TMEM171: variants seen among roughly 807,000 people sequenced by gnomAD.
TMEM171 encodes the protein proline-rich protein PRP2.
TMEM171 carries 16 observed loss-of-function variants against 19.1 expected under a neutral mutation model. That is an observed-to-expected ratio of 0.84 (90% CI 0.57 to 1.27). The LOEUF (loss-of-function observed/expected upper bound fraction) is 1.27. TMEM171 is among the 50% of genes most tolerant of loss of function. The probability of loss-of-function intolerance (pLI) is 0.00; values close to 1 mark genes in which losing one functional copy is unlikely to be tolerated. For synonymous variants in TMEM171, 153 were observed against 163.4 expected (o/e 0.94, Z 0.48); for missense variants, 429 against 412.7 (o/e 1.04, Z -0.34).
At chr5:73,121,342 T>C (rs912821889) in intron 1 of TMEM171, among the ~76,000 whole-genome samples, 4 of 152,208 alleles carry the variant, frequency 2.6e-5, no homozygotes, top group Admixed American at 2.0e-4. Flanking sequence ...CACCCTTCTC[T>C]TTCTTGTCTC....
At chr5:73,124,144 G>C (rs540191988) in intron 2 of TMEM171, 131 bp downstream of exon 2, 23 of 778,238 alleles carry the variant, frequency 3.0e-5, no homozygotes, top group Admixed American at 1.3e-4. Flanking sequence ...GTGTGCACAC[G>C]CACACACCCC....
At chr5:73,120,861 C>G (rs1743989368) in intron 1 of TMEM171, among the ~76,000 whole-genome samples, 165 bp downstream of exon 1, 1 of 152,134 alleles carries the variant, frequency 6.6e-6, no homozygotes, top group Non-Finnish European at 1.5e-5. Context: ...GCTCGGGCTC[C>G]CTAAAAGCCG....
In TMEM171 at chr5:73,131,519, T is replaced by C. The variant is rs1744355634; in HGVS notation, c.783-19T>C. The C allele has an allele frequency of 6.4e-7, 1 of 1,563,326 alleles. No individual in the cohort carries two copies. Among genetic ancestry groups the C allele is most frequent in the Non-Finnish European group, 8.6e-7 (1 of 1,157,460 alleles). ...TGTTTTCATCCCCTCCCCTTCATGT[T>C]CTCTCTCCTTCTCTTTAGCAGGACC... On this transcript the variant is annotated intron_variant, in intron 3 of 3. Coordinates refer to ENST00000454765, the MANE Select transcript of TMEM171 (RefSeq NM_173490.8).
At chr5:73,129,261 T>A (rs187042291) in intron 3 of TMEM171, among the ~76,000 whole-genome samples, 1 of 152,312 alleles carries the variant, frequency 6.6e-6, no homozygotes, top group East Asian at 1.9e-4. Context: ...CATTGGCCAC[T>A]TTGTGTTCAC....
chr5:73,127,737 G>A (rs1162033119), intron 2 of TMEM171, among the ~76,000 whole-genome samples: 6 of 135,512 alleles, frequency 4.4e-5, no homozygotes, highest in Admixed American at 1.5e-4. Context: ...GAGCCACCAC[G>A]CCTGGCTTTT....
At chr5:73,127,797 G>A (rs1355607542) in intron 2 of TMEM171, among the ~76,000 whole-genome samples, 3 of 151,500 alleles carry the variant, frequency 2.0e-5, no homozygotes, top group East Asian at 3.9e-4. Flanking sequence ...CTGGAGTGCA[G>A]TGGTACAATC....
chr5:73,128,344 C>G (rs1744235741), intron 2 of TMEM171, 46 bp from the exon 3 acceptor site: 4 of 1,586,492 alleles, frequency 2.5e-6, no homozygotes, highest in South Asian at 2.2e-5. Flanking sequence ...TAATTTGCTT[C>G]CATTTATTAC....
At chr5:73,128,679 T>G (rs1744252614) in intron 3 of TMEM171, 148 bp downstream of exon 3, 2 of 873,292 alleles carry the variant, frequency 2.3e-6, no homozygotes, top group Non-Finnish European at 3.1e-6. Flanking sequence ...TAACAGTACC[T>G]TTGCCGAAAT....
rs141693426 is a variant in TMEM171, at chr5:73,123,789, A to C, written c.416A>C (p.Asn139Thr). ...LGIWVPGCGS[N>T]WAQEPLNETD... is the part of the protein sequence containing the mutation. ...ATTTGGGTCCCTGGATGTGGCTCCA[A>C]CTGGGCGCAGGAACCGCTAAACGAG... The change falls in exon 2 of 4, where the codon AAC becomes ACC. Residue 139 changes from asparagine (N) to threonine (T), a missense_variant. Physicochemically the swap from Asn to Thr is moderately conservative, Grantham distance 65 (BLOSUM62 0). Coordinates refer to ENST00000454765, the MANE Select transcript of TMEM171 (RefSeq NM_173490.8). 2 of 1,613,018 alleles carry C rather than the reference A, an allele frequency of 1.2e-6. No individual in the cohort carries two copies. The highest frequency in any genetic ancestry group is 1.7e-5 in the Admixed American group (1 of 59,958).
Position 73,120,598 on chromosome 5 carries a change from A to T in TMEM171, c.-167A>T, listed in dbSNP as rs1237816887. On this transcript the variant is annotated 5_prime_UTR_variant, in exon 1 of 4. Coordinates refer to ENST00000454765, the MANE Select transcript of TMEM171 (RefSeq NM_173490.8). The stretch of plus-strand genomic sequence containing the variant: ...CCAGGACGCGCGGTGGGTAGGGTGC[A>T]GGGCGGCCGGCGCAGCCGAGGCCGC... 1 of 984,788 alleles carries T rather than the reference A, an allele frequency of 1.0e-6. No homozygotes were observed. Among genetic ancestry groups the T allele is most frequent in the Non-Finnish European group, 1.2e-6 (1 of 829,850 alleles). The allele number at this position is 984,788 out of a possible 1,614,324, so 61.0% of individuals were successfully genotyped here.
At chr5:73,124,070 T>C in intron 2 of TMEM171, 57 bp downstream of exon 2, 1 of 1,394,538 alleles carries the variant, frequency 7.2e-7, no homozygotes. Context: ...CAGCAGGGTT[T>C]CACCAGCTGC....
intron 2 of TMEM171, among the ~76,000 whole-genome samples, chr5:73,125,630 C>T (rs1027407266): frequency 2.0e-5 from 3 of 152,112 alleles, no homozygotes; most frequent in African/African-American, 7.2e-5. Context: ...TGAGGAACAC[C>T]GTGGGGTACA....
chr5:73,122,505 A>C (rs375447693), intron 1 of TMEM171, among the ~76,000 whole-genome samples: 28 of 152,304 alleles, frequency 1.8e-4, no homozygotes, highest in East Asian at 7.7e-4. Context: ...TCCTGGGCTC[A>C]AGCAATCCTC....
rs1554078607 is a variant in TMEM171, at chr5:73,127,384, A to ATATGT, written c.641-1006_641-1005insTATGT. ...AAATTTGTGGTAAAAAAAAAAAAAAAATATATATATATATATATATATAAA... is the reference window on the plus strand; with the variant it reads ...AAATTTGTGGTAAAAAAAAAAAAAAATATGTATATATATATATATATATATATAAA... On this transcript the variant is annotated intron_variant, in intron 2 of 3. Transcript: ENST00000454765. 7.3e-5 allele frequency among the ~76,000 whole-genome samples: 6 copies of ATATGT among 81,696 alleles called. 1 individual carries two copies. Among genetic ancestry groups the ATATGT allele is most frequent in the African/African-American group, 2.0e-4 (3 of 15,200 alleles). 53.6% of individuals were successfully genotyped at this position (81,696 alleles called of 152,430 possible).
At chr5:73,128,610 G>A (rs1744250246) in intron 3 of TMEM171, 79 bp downstream of exon 3, 1 of 1,536,648 alleles carries the variant, frequency 6.5e-7, no homozygotes, top group Non-Finnish European at 8.9e-7. Flanking sequence ...TTCACCAGGA[G>A]GCATTCAAGT....
intron 2 of TMEM171, 117 bp downstream of exon 2, chr5:73,124,130 A>C (rs1744102489): frequency 3.3e-6 from 3 of 907,626 alleles, no homozygotes; most frequent in African/African-American, 1.7e-5. Context: ...TCTCTCACAC[A>C]TGTGTGTGCA....
At chr5:73,126,767 A>G (rs1017005431) in intron 2 of TMEM171, among the ~76,000 whole-genome samples, 1 of 152,166 alleles carries the variant, frequency 6.6e-6, no homozygotes, top group Admixed American at 6.5e-5. Context: ...ACATGCTAGG[A>G]GTGTGAACCA....
chr5:73,127,384 A>AATATATATATAT lies in TMEM171; in HGVS notation c.641-994_641-983dup, dbSNP rs59879336. Among the ~76,000 whole-genome samples the AATATATATATAT allele has an allele frequency of 5.8e-4, 47 of 81,670 alleles. 1 individual carries two copies. Among genetic ancestry groups the AATATATATATAT allele is most frequent in the African/African-American group, 2.8e-3 (43 of 15,210 alleles). 53.6% of individuals were successfully genotyped at this position (81,670 alleles called of 152,430 possible). A position where few individuals can be genotyped will look rare whatever the true frequency, so the allele number is the denominator to read the frequency against. On this transcript the variant is annotated intron_variant, in intron 2 of 3. Transcript: ENST00000454765. ...AAATTTGTGGTAAAAAAAAAAAAAA[A>AATATATATATAT]ATATATATATATATATATATATAAA...
chr5:73,127,384 A>AAAAAAAATATATATATATATATATATAT, intron 2 of TMEM171, among the ~76,000 whole-genome samples: 2 of 81,674 alleles, frequency 2.4e-5, no homozygotes, highest in African/African-American at 6.6e-5. Context: ...AAAAAAAAAA[A>AAAAAAAATATATATATATATATATATAT]ATATATATAT....
Sources: allele counts gnomAD v4.1 joint callset (sites outside exome capture counted in the v4.1 genomes callset), GRCh38; gene constraint gnomAD v4.1.1; transcripts MANE v1.5; gene names NCBI Gene and HGNC (gene_info 2026-07-23, HGNC 2026-07-21).